The following ATP2B3 variants were observed in gnomAD, a reference collection of about 807,000 sequenced individuals.
ATP2B3 encodes the protein ATPase plasma membrane Ca2+ transporting 3.
ATP2B3 carries 12 observed loss-of-function variants against 70.8 expected under a neutral mutation model. The ratio of observed to expected loss-of-function variants is 0.17; its 90% CI spans 0.11 to 0.27. The LOEUF (loss-of-function observed/expected upper bound fraction) is 0.27. Among genes scored for constraint, ATP2B3 ranks in the 10% least tolerant of loss-of-function variants. The probability of loss-of-function intolerance (pLI) is 1.00; values close to 1 mark genes in which losing one functional copy is unlikely to be tolerated. For synonymous variants in ATP2B3, 460 were observed against 497.8 expected (o/e 0.92, Z 1.01); for missense variants, 858 against 1,118.5 (o/e 0.77, Z 3.32).
Position 153,547,863 on chromosome X carries a change from G to A in ATP2B3, c.987G>A (p.Met329Ile), listed in dbSNP as rs782263430. The change falls in exon 9 of 22, where the codon ATG (methionine) becomes ATA (isoleucine). Residue 329 changes from methionine (M) to isoleucine (I), a missense_variant. This residue lies in a region of ATP2B3 where 278 missense variants were observed against 366.2 expected (regional missense o/e 0.76). Transcript: ENST00000263519. ...AGAAGCAGGATGGTGCAGTGGCCATGGAGATGCAGCCCCTGAAGAGCGCGG... is the reference window on the plus strand; with the variant it reads ...AGAAGCAGGATGGTGCAGTGGCCATAGAGATGCAGCCCCTGAAGAGCGCGG... Reference protein sequence around the residue: ...KAKKQDGAVAMEMQPLKSAEG... With the variant: ...KAKKQDGAVAIEMQPLKSAEG... The A allele has an allele frequency of 4.1e-6, 5 of 1,208,565 alleles. No individual in the cohort carries two copies. The Admixed American group carries it at 1.1e-4, about 26-fold the overall frequency.
intron 3 of ATP2B3, among the ~76,000 whole-genome samples, chrX:153,540,951 C>T (rs1280133258): frequency 8.9e-6 from 1 of 112,504 alleles, no homozygotes; most frequent in African/African-American, 3.2e-5. Flanking sequence ...TTGACCTGGA[C>T]ATACCCTGCT....
At position 153,580,139 on chromosome X, in the gene ATP2B3, G is replaced by T. The variant is rs782153343; in HGVS notation, c.3504G>T (p.Glu1168Asp). 8.2e-7 allele frequency: 1 copy of T among 1,212,191 alleles called. No homozygotes were observed. The highest frequency in any genetic ancestry group is 1.8e-5 in the South Asian group (1 of 57,027). The part of the protein sequence containing the change: ...LIDDTDVDEN[E>D]ERLRAPPPPS... ...ACGACACGGACGTGGACGAGAACGA[G>T]GAGCGCCTCCGGGCCCCCCCGCCCC... The change falls in exon 22 of 22, where the codon GAG (glutamate) becomes GAT (aspartate). Residue 1168 changes from glutamate to aspartate, a missense_variant. Glu to Asp is a conservative substitution (Grantham distance 45). This residue lies in a region of ATP2B3 where 265 missense variants were observed against 305.3 expected (regional missense o/e 0.87). Coordinates refer to ENST00000263519, the MANE Select transcript of ATP2B3 (RefSeq NM_001001344.3).
chrX:153,530,813 C>T (rs1336739287), intron 2 of ATP2B3, among the ~76,000 whole-genome samples: 4 of 77,140 alleles, frequency 5.2e-5, no homozygotes, highest in Admixed American at 1.4e-4. Context: ...CACTGGGGGC[C>T]GGTGGGGGGC....
chrX:153,534,199 AG>A (rs3841309), intron 2 of ATP2B3, among the ~76,000 whole-genome samples: 1,656 of 111,026 alleles, frequency 0.015, 25 homozygotes, highest in East Asian at 0.11. Context: ...TGGGGTGGGG[AG>A]GGGAGGCTGT....
At chrX:153,578,086 T>C (rs2090878822) in intron 21 of ATP2B3, among the ~76,000 whole-genome samples, 1 of 112,533 alleles carries the variant, frequency 8.9e-6, no homozygotes, top group Non-Finnish European at 1.9e-5. Flanking sequence ...ATTTTTAGCT[T>C]TCCAGGCCTG....
At chrX:153,519,872 C>T (rs1440112114) in intron 2 of ATP2B3, among the ~76,000 whole-genome samples, 1 of 112,522 alleles carries the variant, frequency 8.9e-6, no homozygotes, top group African/African-American at 3.2e-5. Context: ...GAGAGCCGGT[C>T]CCTGAGGAAG....
intron 21 of ATP2B3, among the ~76,000 whole-genome samples, chrX:153,565,855 G>A (rs782023301): frequency 5.3e-5 from 6 of 112,477 alleles, no homozygotes; most frequent in Admixed American, 2.8e-4. Flanking sequence ...AACGGCGCTC[G>A]CCTAGGCCTG....
chrX:153,559,663 T>C, intron 17 of ATP2B3, 66 bp from the exon 18 acceptor site: 2 of 1,042,108 alleles, frequency 1.9e-6, no homozygotes, highest in African/African-American at 1.8e-5. Context: ...CAGGAGCTAC[T>C]GGGTTTCCAC....
Position 153,548,715 on chromosome X carries a change from G to A in ATP2B3, c.1199G>A (p.Arg400Gln), listed in dbSNP as rs782458081. The change falls in exon 10 of 22, where the codon CGG becomes CAG. Residue 400 changes from arginine to glutamine, a missense_variant. Arg to Gln is a conservative substitution (Grantham distance 43). Coordinates refer to ENST00000263519, the MANE Select transcript of ATP2B3 (RefSeq NM_001001344.3). The stretch of plus-strand genomic sequence containing the variant: ...ATTGAGACGTTTGTCGTGGAAGGCC[G>A]GACATGGCTGGCAGAGTGCACGCCG... ...FVIETFVVEGRTWLAECTPVY... is the reference protein window; with the variant it reads ...FVIETFVVEGQTWLAECTPVY... 11 of 1,209,548 alleles carry A rather than the reference G, an allele frequency of 9.1e-6. No individual in the cohort carries two copies. The highest frequency in any genetic ancestry group is 7.1e-5 in the South Asian group (4 of 56,727).
At chrX:153,561,033 C>G in intron 19 of ATP2B3, 146 bp downstream of exon 19, 3 of 638,367 alleles carry the variant, frequency 4.7e-6, no homozygotes, top group Non-Finnish European at 7.2e-6. Context: ...TCCTGTAGCC[C>G]CCGTCCTCTC....
chrX:153,553,263 G>A lies in ATP2B3; in HGVS notation c.2052G>A (p.Arg684=). 1 of 1,197,353 alleles carries A rather than the reference G, an allele frequency of 8.4e-7. No homozygotes were observed. Among genetic ancestry groups the A allele is most frequent in the South Asian group, 1.8e-5 (1 of 55,972 alleles). ...IAVVGIEDPV[R]PEVPEAIRKC... ...TCGTGGGCATTGAGGACCCTGTGCG[G>A]CCCGAGGTAGCCACCACCTTCTCTG... The change falls in exon 13 of 22, where the codon CGG becomes CGA. Residue 684 remains arginine (R), a synonymous_variant. Transcript: ENST00000263519.
chrX:153,530,604 C>T (rs1467415294), intron 2 of ATP2B3, among the ~76,000 whole-genome samples: 7 of 112,075 alleles, frequency 6.2e-5, no homozygotes, highest in Non-Finnish European at 1.9e-5. Context: ...TGGCTTTGCA[C>T]GCAGCTGCCA....
intron 7 of ATP2B3, among the ~76,000 whole-genome samples, chrX:153,544,545 T>TG: frequency 9.0e-6 from 1 of 111,375 alleles, no homozygotes; most frequent in East Asian, 2.9e-4. Flanking sequence ...AAGAGAACCC[T>TG]GAGGGGGCCC....
chrX:153,542,942 C>A (rs1406761104), intron 6 of ATP2B3, 101 bp from the exon 7 acceptor site: 4 of 1,067,474 alleles, frequency 3.7e-6, no homozygotes, highest in Non-Finnish European at 5.1e-6. Context: ...GACACCGCGT[C>A]CCTGCTTCCG....
intron 20 of ATP2B3, 106 bp from the exon 21 acceptor site, chrX:153,564,815 A>G (rs1443242388): frequency 1.2e-6 from 1 of 853,267 alleles, no homozygotes; most frequent in African/African-American, 2.1e-5. Flanking sequence ...AACAAATGAC[A>G]TCCTTTGGAA....
At chrX:153,529,262 G>C (rs1309988086) in intron 2 of ATP2B3, among the ~76,000 whole-genome samples, 1 of 112,194 alleles carries the variant, frequency 8.9e-6, no homozygotes, top group Non-Finnish European at 1.9e-5. Flanking sequence ...CACCAAATAG[G>C]GTACCCACCT....
chrX:153,558,481 A>G (rs1310982480), intron 17 of ATP2B3, among the ~76,000 whole-genome samples, 178 bp downstream of exon 17: 1 of 112,691 alleles, frequency 8.9e-6, no homozygotes, highest in Non-Finnish European at 1.9e-5. Context: ...TTTGTAGGAC[A>G]TTCACCACGT....
rs373053432 is a variant in ATP2B3, at chrX:153,530,650, G to A, written c.-126-5472G>A. Among the ~76,000 whole-genome samples, 86 of 111,132 alleles carry A rather than the reference G, an allele frequency of 7.7e-4. 1 individual carries two copies. The East Asian group carries it at 0.021, about 27-fold the overall frequency. ...AAGGTGGCCCCTCCGGGGCTGCCCT[G>A]CAGGGCAGAGCTTCAGGCAGGTGGG... On this transcript the variant is annotated intron_variant, in intron 2 of 21. Transcript: ENST00000263519.
chrX:153,578,405 T>C (rs1284533970), intron 21 of ATP2B3, among the ~76,000 whole-genome samples: 1 of 112,850 alleles, frequency 8.9e-6, no homozygotes, highest in Admixed American at 9.3e-5. Context: ...CCAGCTACCA[T>C]TGGCGGCTGT....
Sources: allele counts gnomAD v4.1 joint callset (sites outside exome capture counted in the v4.1 genomes callset), GRCh38; gene constraint gnomAD v4.1.1; regional missense constraint gnomAD v4.1.1; transcripts MANE v1.5; gene names NCBI Gene and HGNC (gene_info 2026-07-23, HGNC 2026-07-21).